Variants in ANK1 observed in about 807,000 individuals in gnomAD.
ANK1 encodes ankyrin 1.
ANK1 carries 51 observed loss-of-function variants against 210.4 expected under a neutral mutation model. That is an observed-to-expected ratio of 0.24 (90% CI 0.19 to 0.31). The LOEUF (loss-of-function observed/expected upper bound fraction) is 0.31, where lower values mean the gene tolerates loss of function less well. ANK1 is among the 10% of genes least tolerant of loss of function. The pLI is 1.00. For synonymous variants in ANK1, 967 were observed against 1,025.9 expected (o/e 0.94, Z 1.10); for missense variants, 2,051 against 2,504.4 (o/e 0.82, Z 3.86).
rs116989005 is a variant in ANK1 at position 41,860,505 on chromosome 8, C to T, written c.126+35850G>A. Among the ~76,000 whole-genome samples, 87 of 152,310 alleles carry T rather than the reference C, an allele frequency of 5.7e-4. 2 individuals are homozygous for T. In the East Asian group the frequency reaches 0.016, roughly 28 times the overall value. ...CTCATGAGAGATCCAGGTGCTAAGA[C>T]GCTGTAGGCTGTGGTGGGAAGGCCA... On this transcript the variant is annotated intron_variant, in intron 1 of 42. Transcript: ENST00000265709.
At chr8:41,741,202 G>T (rs188368024) in intron 2 of ANK1, among the ~76,000 whole-genome samples, 1 of 152,262 alleles carries the variant, frequency 6.6e-6, no homozygotes, top group South Asian at 2.1e-4. Flanking sequence ...AGGTGAGAGG[G>T]TCTGTTTTTG....
chr8:41,730,414 G>A (rs1388728770), intron 3 of ANK1, among the ~76,000 whole-genome samples: 1 of 152,084 alleles, frequency 6.6e-6, no homozygotes, highest in Admixed American at 6.5e-5. Flanking sequence ...AGACCAGCCT[G>A]GGAAACAGTG....
At chr8:41,826,970 A>C (rs1549064) in intron 1 of ANK1, among the ~76,000 whole-genome samples, 43,080 of 152,128 alleles carry the variant, frequency 0.28, 6,684 homozygotes, top group Middle Eastern at 0.44. Context: ...GTTCCTGTCA[A>C]TATGTTTAGC....
At chr8:41,812,262 T>C (rs2150784033) in intron 1 of ANK1, among the ~76,000 whole-genome samples, 1 of 152,318 alleles carries the variant, frequency 6.6e-6, no homozygotes, top group South Asian at 2.1e-4. Context: ...ACAAATTAAG[T>C]TGACATAATA....
At chr8:41,749,955 T>C (rs1345423246) in intron 2 of ANK1, among the ~76,000 whole-genome samples, 1 of 152,230 alleles carries the variant, frequency 6.6e-6, no homozygotes, top group Non-Finnish European at 1.5e-5. Context: ...TCCAAAGTCA[T>C]ACAGCATAAG....
chr8:41,860,610 G>A (rs2150817918), intron 1 of ANK1, among the ~76,000 whole-genome samples: 1 of 152,300 alleles, frequency 6.6e-6, no homozygotes, highest in Admixed American at 6.5e-5. Context: ...GGGAAGGAAA[G>A]AACCTAACTC....
At chr8:41,748,006 G>A (rs2150696105) in intron 2 of ANK1, among the ~76,000 whole-genome samples, 1 of 152,284 alleles carries the variant, frequency 6.6e-6, no homozygotes, top group Middle Eastern at 3.4e-3. Context: ...GGGTGTCTCA[G>A]TCCTGGGCTC....
intron 1 of ANK1, among the ~76,000 whole-genome samples, chr8:41,835,704 G>T (rs951238864): frequency 6.6e-6 from 1 of 152,218 alleles, no homozygotes; most frequent in Non-Finnish European, 1.5e-5. Flanking sequence ...GTTGAGAAAA[G>T]GATTCAAAGA....
chr8:41,712,003 CA>C (rs1169904202), intron 16 of ANK1, among the ~76,000 whole-genome samples: 3 of 151,978 alleles, frequency 2.0e-5, no homozygotes, highest in African/African-American at 7.3e-5. Flanking sequence ...TGGCTCGCCG[CA>C]ATCTCTGCCT....
intron 1 of ANK1, among the ~76,000 whole-genome samples, chr8:41,769,970 CTTTTTTCTTT>C (rs1842674093): frequency 2.1e-5 from 2 of 94,770 alleles, no homozygotes; most frequent in Non-Finnish European, 4.3e-5. Flanking sequence ...TTTTTTTTTT[CTTTTTTCTTT>C]TTTTTTTTTT....
At chr8:41,883,086 C>G (rs1175036911) in intron 1 of ANK1, among the ~76,000 whole-genome samples, 2 of 152,226 alleles carry the variant, frequency 1.3e-5, no homozygotes, top group Non-Finnish European at 2.9e-5. Context: ...GAGACAGAGT[C>G]TTCAAAAACA....
At chr8:41,878,065 T>C (rs963035224) in intron 1 of ANK1, among the ~76,000 whole-genome samples, 10 of 152,254 alleles carry the variant, frequency 6.6e-5, no homozygotes, top group Non-Finnish European at 1.3e-4. Flanking sequence ...ATGAACATTC[T>C]GGAAGGCGGC....
intron 2 of ANK1, among the ~76,000 whole-genome samples, chr8:41,751,744 T>C (rs1837754532): frequency 1.3e-5 from 2 of 152,060 alleles, no homozygotes; most frequent in South Asian, 4.1e-4. Flanking sequence ...TCCTCACCAG[T>C]CTTGCCGCTC....
intron 1 of ANK1, among the ~76,000 whole-genome samples, chr8:41,857,828 C>G (rs977612678): frequency 6.6e-6 from 1 of 151,690 alleles, no homozygotes; most frequent in Non-Finnish European, 1.5e-5. Flanking sequence ...CACTTGAACC[C>G]GCAAGGTGGA....
At chr8:41,842,765 G>A (rs1384751598) in intron 1 of ANK1, among the ~76,000 whole-genome samples, 1 of 152,178 alleles carries the variant, frequency 6.6e-6, no homozygotes, top group Non-Finnish European at 1.5e-5. Flanking sequence ...TGGATTTGGG[G>A]AGTGCTGCTT....
intron 1 of ANK1, among the ~76,000 whole-genome samples, chr8:41,832,787 C>G (rs934888176): frequency 2.0e-5 from 3 of 152,320 alleles, no homozygotes; most frequent in South Asian, 4.1e-4. Context: ...CTGTCCTGTG[C>G]AATATTTGTA....
chr8:41,690,664 A>C (rs1586119857), intron 31 of ANK1, 65 bp from the exon 32 acceptor site: 1 of 1,581,126 alleles, frequency 6.3e-7, no homozygotes, highest in Admixed American at 1.7e-5. Flanking sequence ...CCCTCCTTCC[A>C]CCTTCGGTCC....
chr8:41,844,606 C>A (rs1809662773), intron 1 of ANK1, among the ~76,000 whole-genome samples: 1 of 152,380 alleles, frequency 6.6e-6, no homozygotes, highest in African/African-American at 2.4e-5. Context: ...CTGTCTCTAA[C>A]ACGATCTCGG....
intron 1 of ANK1, among the ~76,000 whole-genome samples, chr8:41,862,663 A>C (rs1813511532): frequency 7.0e-6 from 1 of 142,282 alleles, no homozygotes; most frequent in African/African-American, 2.8e-5. Flanking sequence ...GCTCAGACAA[A>C]AAAAAAAAAA....
Sources: allele counts gnomAD v4.1 joint callset (sites outside exome capture counted in the v4.1 genomes callset), GRCh38; gene constraint gnomAD v4.1.1; transcripts MANE v1.5; gene names NCBI Gene and HGNC (gene_info 2026-07-23, HGNC 2026-07-21).